Variants in EPM2A observed in about 807,000 individuals in gnomAD.
EPM2A encodes EPM2A glucan phosphatase, laforin.
A neutral mutation model predicts 26.5 loss-of-function variants in EPM2A; 21 were observed. The ratio of observed to expected loss-of-function variants is 0.79; its 90% CI spans 0.56 to 1.14. EPM2A has a LOEUF of 1.14. EPM2A is among the 50% of genes most tolerant of loss of function. The probability of loss-of-function intolerance (pLI) is 0.00; values close to 1 mark genes in which losing one functional copy is unlikely to be tolerated. For missense variants in EPM2A, 458 were observed against 440.8 expected (o/e 1.04, Z -0.35); for synonymous variants, 217 against 177.6 (o/e 1.22, Z -1.76).
At chr6:145,578,515 C>T (rs1781067744) in intron 2 of EPM2A, among the ~76,000 whole-genome samples, 1 of 152,002 alleles carries the variant, frequency 6.6e-6, no homozygotes, top group Non-Finnish European at 1.5e-5. Flanking sequence ...CTGAACAGAC[C>T]AATAACAAGT....
At chr6:145,565,418 G>T (rs112452246) in intron 2 of EPM2A, among the ~76,000 whole-genome samples, 224 of 152,196 alleles carry the variant, frequency 1.5e-3, no homozygotes, top group African/African-American at 5.1e-3. Context: ...GAAGCAGTGG[G>T]GAGGGAATCT....
chr6:145,569,090 TC>T (rs1780922002), intron 2 of EPM2A, among the ~76,000 whole-genome samples: 1 of 152,202 alleles, frequency 6.6e-6, no homozygotes, highest in African/African-American at 2.4e-5. Context: ...TTTAAACGCT[TC>T]AGAGTCAGAG....
intron 1 of EPM2A, among the ~76,000 whole-genome samples, chr6:145,709,930 C>G (rs1775209284): frequency 6.6e-6 from 1 of 152,154 alleles, no homozygotes. Context: ...AAAGCTGAAA[C>G]TGGATCCCTT....
chr6:145,626,808 T>G lies in EPM2A; in HGVS notation c.*608A>C. 1 of 986,220 alleles carries G rather than the reference T, an allele frequency of 1.0e-6. No homozygotes were observed. The highest frequency in any genetic ancestry group is 1.2e-6 in the Non-Finnish European group (1 of 830,516). The allele number at this position is 986,220 out of a possible 1,614,324, so 61.1% of individuals were successfully genotyped here. A position where few individuals can be genotyped will look rare whatever the true frequency, so the allele number is the denominator to read the frequency against. On this transcript the variant is annotated 3_prime_UTR_variant, in exon 4 of 4. Coordinates refer to ENST00000367519, the MANE Select transcript of EPM2A (RefSeq NM_005670.4). ...ACAACAAATGAGAGATAATTCTACT[T>G]TAGTTGTTACACAGGGTTGTTGGGT...
At chr6:145,479,304 T>C (rs892381720) in intron 4 of EPM2A, among the ~76,000 whole-genome samples, 5 of 147,702 alleles carry the variant, frequency 3.4e-5, no homozygotes, top group African/African-American at 1.2e-4. Flanking sequence ...TATATATATA[T>C]ACATATATAT....
chr6:145,735,125 G>T, intron 1 of EPM2A, 73 bp downstream of exon 1: 3 of 1,213,946 alleles, frequency 2.5e-6, no homozygotes, highest in Non-Finnish European at 2.2e-6. Context: ...GCCTGCCCGA[G>T]GCCGAGGCCC....
intron 1 of EPM2A, among the ~76,000 whole-genome samples, chr6:145,709,059 T>C (rs1239184999): frequency 2.0e-5 from 3 of 152,222 alleles, no homozygotes; most frequent in South Asian, 2.1e-4. Context: ...GACTGGTGTA[T>C]TTACCCACTG....
At chr6:145,485,212 G>A (rs1054462923) in intron 4 of EPM2A, among the ~76,000 whole-genome samples, 1 of 151,904 alleles carries the variant, frequency 6.6e-6, no homozygotes, top group Non-Finnish European at 1.5e-5. Flanking sequence ...AGCCTGAGAA[G>A]GAATGGTGAG....
In EPM2A at chr6:145,626,134, T is replaced by C. The variant is rs534931478; in HGVS notation, c.*1282A>G. 1.3e-5 allele frequency: 13 copies of C among 1,023,830 alleles called. No individual in the cohort carries two copies. In the East Asian group the frequency reaches 8.8e-4, roughly 70 times the overall value. 63.4% of individuals were successfully genotyped at this position (1,023,830 alleles called of 1,614,324 possible). A position where few individuals can be genotyped will look rare whatever the true frequency, so the allele number is the denominator to read the frequency against. ...AGAGGCTCTCAATTAAAAAAACACT[T>C]CTCTTTCTTCTATTCTAGCATATCA... On this transcript the variant is annotated 3_prime_UTR_variant, in exon 4 of 4. Coordinates refer to ENST00000367519, the MANE Select transcript of EPM2A (RefSeq NM_005670.4).
chr6:145,385,536 T>C (rs764436995), intron 4 of EPM2A, among the ~76,000 whole-genome samples: 1 of 152,218 alleles, frequency 6.6e-6, no homozygotes, highest in Non-Finnish European at 1.5e-5. Flanking sequence ...GATTGATTTG[T>C]TTTTATGTTA....
At chr6:145,701,159 A>G (rs759355953) in intron 1 of EPM2A, among the ~76,000 whole-genome samples, 14 of 152,364 alleles carry the variant, frequency 9.2e-5, no homozygotes, top group East Asian at 3.9e-4. Context: ...ATTTGCCGTA[A>G]TCATAAACTA....
At chr6:145,582,496 C>T (rs1338186102) in intron 2 of EPM2A, among the ~76,000 whole-genome samples, 1 of 152,186 alleles carries the variant, frequency 6.6e-6, no homozygotes, top group African/African-American at 2.4e-5. Context: ...TATCTTCTGA[C>T]TTGTAGGATT....
chr6:145,497,411 T>C (rs944915167), downstream of EPM2A, among the ~76,000 whole-genome samples: 1 of 152,142 alleles, frequency 6.6e-6, no homozygotes, highest in African/African-American at 2.4e-5. Context: ...TGCCCCTTTC[T>C]CTGGGAGCTC....
intron 2 of EPM2A, among the ~76,000 whole-genome samples, chr6:145,604,116 T>C (rs986034104): frequency 1.3e-5 from 2 of 152,156 alleles, no homozygotes; most frequent in Non-Finnish European, 2.9e-5. Context: ...AACAGATTTA[T>C]AGACAATAAA....
intron 4 of EPM2A, among the ~76,000 whole-genome samples, chr6:145,486,308 A>G (rs1245694231): frequency 1.3e-5 from 2 of 152,170 alleles, no homozygotes; most frequent in African/African-American, 4.8e-5. Context: ...TTATCTTTTT[A>G]TTTTTAAGTC....
chr6:145,595,218 TC>T, intron 2 of EPM2A, among the ~76,000 whole-genome samples: 1 of 152,098 alleles, frequency 6.6e-6, no homozygotes. Flanking sequence ...TTTTGTATTC[TC>T]TATTTTATTC....
At chr6:145,603,348 G>A (rs1781441112) in intron 2 of EPM2A, among the ~76,000 whole-genome samples, 3 of 150,946 alleles carry the variant, frequency 2.0e-5, no homozygotes, top group African/African-American at 7.3e-5. Context: ...AAAGTAATTG[G>A]ATGAGAAGTT....
chr6:145,537,581 GTT>G (rs11327111), intron 2 of EPM2A, among the ~76,000 whole-genome samples: 9,173 of 133,028 alleles, frequency 0.069, 426 homozygotes, highest in East Asian at 0.18. Flanking sequence ...CCTACAAGAG[GTT>G]TTTTTTTTTT....
rs139623647 is a variant in EPM2A at position 145,545,728 on chromosome 6, A to T, written c.341-43153T>A. Among the ~76,000 whole-genome samples, 27 of 152,260 alleles carry T rather than the reference A, an allele frequency of 1.8e-4. No homozygotes were observed. In the East Asian group the frequency reaches 5.0e-3, roughly 28 times the overall value. ...CTGCAGGACCCGAGCTGAGCTGCTC[A>T]TTGCATCTACCTCACCTCTTAGGAT... On this transcript the variant is annotated intron_variant, in intron 2 of 3. Transcript: ENST00000450221.
Sources: gnomAD v4.1 joint callset for allele counts (sites outside exome capture counted in the v4.1 genomes callset) on GRCh38, gnomAD v4.1.1 for gene constraint, MANE v1.5 for transcripts, NCBI Gene and HGNC (gene_info 2026-07-23, HGNC 2026-07-21) for gene names.